Variants in CCDC18 observed in about 807,000 individuals in gnomAD.
The protein encoded by CCDC18 is coiled-coil domain-containing protein 18.
CCDC18 carries 157 observed loss-of-function variants against 196.0 expected under a neutral mutation model. The ratio of observed to expected loss-of-function variants is 0.80; its 90% CI spans 0.70 to 0.91. The LOEUF (loss-of-function observed/expected upper bound fraction) is 0.91, where lower values mean the gene tolerates loss of function less well. Among genes scored for constraint, CCDC18 ranks in the 40% least tolerant of loss-of-function variants. The pLI, the probability that CCDC18 is intolerant of heterozygous loss-of-function variation, is 0.00. For synonymous variants in CCDC18, 482 were observed against 529.2 expected (o/e 0.91, Z 1.22); for missense variants, 1,465 against 1,611.6 (o/e 0.91, Z 1.56).
chr1:93,250,401 AAG>A (rs1179807634), intron 23 of CCDC18, among the ~76,000 whole-genome samples: 6 of 151,828 alleles, frequency 4.0e-5, no homozygotes, highest in African/African-American at 7.2e-5. Flanking sequence ...AAAAAAAGAA[AAG>A]AGAGAAAAAA....
intron 28 of CCDC18, chr1:93,271,228 A>T (rs1160192738): frequency 1.0e-6 from 1 of 985,262 alleles, no homozygotes; most frequent in East Asian, 1.1e-4. Flanking sequence ...AAAATAAGTT[A>T]TTGCTGGCTA....
intron 5 of CCDC18, among the ~76,000 whole-genome samples, chr1:93,192,855 A>G (rs1211903273): frequency 6.6e-6 from 1 of 152,224 alleles, no homozygotes; most frequent in Non-Finnish European, 1.5e-5. Context: ...CAGCAGTAGT[A>G]GCATCACCTG....
At chr1:93,241,108 C>A (rs188576500) in intron 21 of CCDC18, among the ~76,000 whole-genome samples, 5 of 152,214 alleles carry the variant, frequency 3.3e-5, no homozygotes, top group Admixed American at 1.3e-4. Context: ...GCACCTGCCA[C>A]CACGCCTGGC....
At chr1:93,269,751 T>C (rs1164613659) in intron 27 of CCDC18, 1 of 152,170 alleles carries the variant, frequency 6.6e-6, no homozygotes, top group Non-Finnish European at 1.5e-5. Flanking sequence ...GTGTATGTAG[T>C]CTCATTCCTA....
chr1:93,190,658 TGAG>T, intron 4 of CCDC18: 1 of 371,328 alleles, frequency 2.7e-6, no homozygotes, highest in Middle Eastern at 7.9e-4. Context: ...AGTATCAGTA[TGAG>T]ATGTTTTTCT....
chr1:93,186,213 C>A, intron 3 of CCDC18, 132 bp from the exon 4 acceptor site: 1 of 759,014 alleles, frequency 1.3e-6, no homozygotes, highest in Non-Finnish European at 2.2e-6. Flanking sequence ...TGTCAATACT[C>A]ACTAAGTATT....
At chr1:93,259,023 C>A in intron 26 of CCDC18, 138 bp downstream of exon 26, 1 of 693,824 alleles carries the variant, frequency 1.4e-6, no homozygotes, top group Non-Finnish European at 2.2e-6. Context: ...CCTAAACATA[C>A]AGCTTTCACT....
At position 93,258,710 on chromosome 1, in the gene CCDC18, C is replaced by G. The variant is rs369196220; in HGVS notation, c.3547-38C>G. 3.3e-4 allele frequency: 480 copies of G among 1,469,010 alleles called. 1 individual carries two copies. In the African/African-American group the frequency reaches 6.6e-3, roughly 20 times the overall value. 91.0% of individuals were successfully genotyped at this position (1,469,010 alleles called of 1,614,324 possible). ...AGTTTAGCTATAATAACCAAATAAACAAGTTTTATAGCTTTTACTCAATAT... is the reference window on the plus strand; with the variant it reads ...AGTTTAGCTATAATAACCAAATAAAGAAGTTTTATAGCTTTTACTCAATAT... On this transcript the variant is annotated intron_variant, in intron 25 of 28. Coordinates refer to ENST00000690025, the MANE Select transcript of CCDC18 (RefSeq NM_001378204.1).
intron 1 of CCDC18, among the ~76,000 whole-genome samples, chr1:93,183,106 A>G (rs1306574183): frequency 1.3e-5 from 2 of 152,162 alleles, no homozygotes; most frequent in East Asian, 3.8e-4. Context: ...TATGCTTACA[A>G]AAGAGAACTA....
rs764352809 is a variant in CCDC18, at chr1:93,239,396, A to G, written c.2690A>G (p.Asn897Ser). The change falls in exon 20 of 29, where the codon AAT becomes AGT. Residue 897 changes from asparagine to serine, a missense_variant. Coordinates refer to ENST00000690025, the MANE Select transcript of CCDC18 (RefSeq NM_001378204.1). The part of the protein sequence containing the change: ...EIMHLKRDGE[N>S]KAMHLSQLDM... ...ATGCACCTAAAACGAGATGGAGAAA[A>G]TAAAGCAATGCACCTCTCTCAATTA... The G allele has an allele frequency of 1.2e-6, 2 of 1,613,578 alleles. No individual in the cohort carries two copies. Among genetic ancestry groups the G allele is most frequent in the Admixed American group, 3.3e-5 (2 of 60,016 alleles).
At position 93,246,923 on chromosome 1, in the gene CCDC18, C is replaced by A; in HGVS notation, c.3167C>A (p.Ser1056Ter). ...AAATTAGAAGGTACTCTGGAGAAAT[C>A]AGAATTGGAACTTAAAGAATGTAAC... is the stretch of plus-strand genomic sequence containing the variant. ...IIKLEGTLEK[S>*]ELELKECNKQ... The change falls in exon 23 of 29, where the codon TCA (serine) becomes TAA (stop). Residue 1056 changes from serine to a stop codon, truncating the protein, a stop_gained. Coordinates refer to ENST00000690025, the MANE Select transcript of CCDC18 (RefSeq NM_001378204.1). LOFTEE classifies it high-confidence loss of function. 1 of 1,430,544 alleles carries A rather than the reference C, an allele frequency of 7.0e-7. No individual in the cohort carries two copies. Among genetic ancestry groups the A allele is most frequent in the Non-Finnish European group, 9.6e-7 (1 of 1,036,436 alleles). The allele number at this position is 1,430,544 out of a possible 1,614,324, so 88.6% of individuals were successfully genotyped here. A position where few individuals can be genotyped will look rare whatever the true frequency, so the allele number is the denominator to read the frequency against.
intron 28 of CCDC18, among the ~76,000 whole-genome samples, chr1:93,277,982 ATTTAT>A (rs1363597030): frequency 5.3e-5 from 8 of 151,598 alleles, no homozygotes; most frequent in African/African-American, 1.7e-4. Flanking sequence ...TTTTTATTTT[ATTTAT>A]TTTATTTTAT....
chr1:93,236,235 AC>A lies in CCDC18; in HGVS notation c.2461-12del, dbSNP rs746779793. 2.1e-5 allele frequency: 33 copies of A among 1,554,758 alleles called. No individual in the cohort carries two copies. The South Asian group carries it at 3.9e-4, about 19-fold the overall frequency. On this transcript the variant is annotated splice_polypyrimidine_tract_variant and intron_variant, in intron 18 of 28. Coordinates refer to ENST00000690025, the MANE Select transcript of CCDC18 (RefSeq NM_001378204.1). ...TCTGAATTTAAAATGTTTACTGAAAACTGCTTTACAAGGTGTCAAAACTGGA... is the reference window on the plus strand; with the variant it reads ...TCTGAATTTAAAATGTTTACTGAAAATGCTTTACAAGGTGTCAAAACTGGA...
At chr1:93,204,791 C>T (rs1654452227) in intron 7 of CCDC18, among the ~76,000 whole-genome samples, 1 of 151,524 alleles carries the variant, frequency 6.6e-6, no homozygotes. Context: ...TTTTAGGGTA[C>T]TGAAATCTTA....
chr1:93,214,188 T>C (rs972140830), intron 11 of CCDC18, among the ~76,000 whole-genome samples: 10 of 152,166 alleles, frequency 6.6e-5, no homozygotes, highest in African/African-American at 2.4e-4. Context: ...GCCTGTTGAA[T>C]AGCTCAGATA....
At chr1:93,206,104 G>A (rs909349505) in intron 8 of CCDC18, among the ~76,000 whole-genome samples, 1 of 135,458 alleles carries the variant, frequency 7.4e-6, no homozygotes, top group African/African-American at 2.5e-5. Flanking sequence ...AGTACATCAT[G>A]TTGTCCTCTC....
chr1:93,244,975 G>A (rs1443876176), intron 21 of CCDC18, among the ~76,000 whole-genome samples: 3 of 152,070 alleles, frequency 2.0e-5, no homozygotes, highest in Non-Finnish European at 4.4e-5. Context: ...TAGCCACCCA[G>A]TCACTACCTC....
At chr1:93,195,197 G>C (rs1652520317) in intron 6 of CCDC18, among the ~76,000 whole-genome samples, 1 of 152,192 alleles carries the variant, frequency 6.6e-6, no homozygotes, top group South Asian at 2.1e-4. Context: ...TTCACAAAGT[G>C]AGTAAGTGGG....
intron 4 of CCDC18, among the ~76,000 whole-genome samples, chr1:93,190,443 C>T (rs561280112): frequency 6.6e-6 from 1 of 152,106 alleles, no homozygotes; most frequent in Admixed American, 6.5e-5. Context: ...GCCGAGATCG[C>T]GCCACTGCAC....
Sources: allele counts gnomAD v4.1 joint callset (sites outside exome capture counted in the v4.1 genomes callset), GRCh38; gene constraint gnomAD v4.1.1; transcripts MANE v1.5; gene names NCBI Gene and HGNC (gene_info 2026-07-23, HGNC 2026-07-21).